Variants in GBE1 observed in about 807,000 individuals in gnomAD.
The protein encoded by GBE1 is 1,4-alpha-glucan-branching enzyme.
Under a neutral mutation model 88.8 loss-of-function variants are expected in GBE1, and 70 were observed. The observed-to-expected ratio is 0.79, with a 90% confidence interval of 0.65 to 0.96. The LOEUF is 0.96. Ranked by LOEUF, GBE1 falls within the 40% of genes least tolerant of loss-of-function variation. The pLI is 0.00. For missense variants in GBE1, 872 were observed against 871.0 expected (o/e 1.00, Z -0.01); for synonymous variants, 284 against 300.1 (o/e 0.95, Z 0.56).
intron 14 of GBE1, among the ~76,000 whole-genome samples, chr3:81,533,839 A>G (rs1703039998): frequency 2.0e-5 from 3 of 152,038 alleles, no homozygotes; most frequent in African/African-American, 4.8e-5. Context: ...AAGGTGGGTG[A>G]CACTTGGAGT....
intron 7 of GBE1, among the ~76,000 whole-genome samples, chr3:81,633,094 T>A (rs556814463): frequency 6.6e-6 from 1 of 152,234 alleles, no homozygotes; most frequent in East Asian, 1.9e-4. Context: ...CGAACAAATA[T>A]CCATAAACAT....
intron 12 of GBE1, among the ~76,000 whole-genome samples, chr3:81,559,924 T>G (rs1422292887): frequency 1.3e-5 from 2 of 152,038 alleles, no homozygotes; most frequent in Non-Finnish European, 2.9e-5. Context: ...TCTACTAGTA[T>G]CTATTTGGCC....
intron 14 of GBE1, among the ~76,000 whole-genome samples, chr3:81,511,865 A>G (rs1361235642): frequency 6.9e-6 from 1 of 145,380 alleles, no homozygotes; most frequent in Non-Finnish European, 1.5e-5. Flanking sequence ...ATTGTCCTAC[A>G]AGAAAAAAAA....
At chr3:81,517,309 C>G (rs1350002263) in intron 14 of GBE1, among the ~76,000 whole-genome samples, 1 of 151,440 alleles carries the variant, frequency 6.6e-6, no homozygotes, top group Non-Finnish European at 1.5e-5. Flanking sequence ...TTTTAGCATA[C>G]AGTATTTTTA....
chr3:81,748,455 CA>C, intron 1 of GBE1, among the ~76,000 whole-genome samples: 1 of 151,554 alleles, frequency 6.6e-6, no homozygotes, highest in Non-Finnish European at 1.5e-5. Context: ...ACTAAAAATA[CA>C]AAAAATTAGC....
At chr3:81,650,010 AAGG>A (rs1439174761) in intron 3 of GBE1, 89 bp from the exon 4 acceptor site, 1 of 993,148 alleles carries the variant, frequency 1.0e-6, no homozygotes, top group Non-Finnish European at 1.5e-6. Context: ...ACAAGTAGGA[AAGG>A]AGGACTGATC....
chr3:81,665,067 A>T (rs1705091896), intron 3 of GBE1, among the ~76,000 whole-genome samples: 1 of 152,234 alleles, frequency 6.6e-6, no homozygotes, highest in South Asian at 2.1e-4. Flanking sequence ...GTTTCATAAT[A>T]GTAATACACA....
chr3:81,660,930 T>A (rs1187564442), intron 3 of GBE1, among the ~76,000 whole-genome samples: 1 of 152,198 alleles, frequency 6.6e-6, no homozygotes, highest in East Asian at 1.9e-4. Context: ...TATTTGAAGG[T>A]ATACTTGGTC....
intron 9 of GBE1, among the ~76,000 whole-genome samples, chr3:81,587,906 C>T (rs1024157206): frequency 2.0e-5 from 3 of 152,166 alleles, no homozygotes; most frequent in Non-Finnish European, 4.4e-5. Context: ...GGAAAGACAT[C>T]TTTCCACCAT....
intron 14 of GBE1, among the ~76,000 whole-genome samples, chr3:81,507,679 T>C (rs1702672636): frequency 1.4e-5 from 2 of 144,166 alleles, no homozygotes; most frequent in Non-Finnish European, 3.1e-5. Context: ...TGTGTGTGTA[T>C]ATATATATGT....
chr3:81,650,707 C>A (rs1704835110), intron 3 of GBE1, among the ~76,000 whole-genome samples: 1 of 152,072 alleles, frequency 6.6e-6, no homozygotes, highest in African/African-American at 2.4e-5. Context: ...ACTCTGTCAC[C>A]CAGGTGGAGC....
In GBE1 at chr3:81,761,587, G is replaced by T. The variant is rs1162139835; in HGVS notation, c.-70C>A. 6.6e-7 allele frequency: 1 copy of T among 1,520,098 alleles called. No homozygotes were observed. Among genetic ancestry groups the T allele is most frequent in the South Asian group, 1.2e-5 (1 of 83,270 alleles). The allele number at this position is 1,520,098 out of a possible 1,614,324, so 94.2% of individuals were successfully genotyped here. On this transcript the variant is annotated 5_prime_UTR_variant, in exon 1 of 16. Coordinates refer to ENST00000429644, the MANE Select transcript of GBE1 (RefSeq NM_000158.4). ...GGCCTGAGCGGGCGCTGGAGCTCTA[G>T]CTGGGACGCGGCGGCTAGGGCGGAG...
At chr3:81,624,836 T>C (rs916616403) in intron 7 of GBE1, among the ~76,000 whole-genome samples, 22 of 152,306 alleles carry the variant, frequency 1.4e-4, no homozygotes, top group Middle Eastern at 3.4e-3. Flanking sequence ...CAAGTCTCCT[T>C]CTGGTTTGTT....
intron 1 of GBE1, among the ~76,000 whole-genome samples, chr3:81,740,396 G>C (rs1290973303): frequency 6.7e-6 from 1 of 149,406 alleles, no homozygotes; most frequent in African/African-American, 2.5e-5. Flanking sequence ...TTTTAAGCTG[G>C]TATCTACCCA....
intron 12 of GBE1, among the ~76,000 whole-genome samples, chr3:81,543,163 T>A (rs1703163174): frequency 6.6e-6 from 1 of 152,104 alleles, no homozygotes; most frequent in Admixed American, 6.6e-5. Flanking sequence ...CGGTAATGAT[T>A]CTATTTTATT....
chr3:81,680,281 G>A (rs932697548), intron 2 of GBE1, among the ~76,000 whole-genome samples: 15 of 151,996 alleles, frequency 9.9e-5, no homozygotes, highest in African/African-American at 3.6e-4. Flanking sequence ...ATCATGAGAT[G>A]AGGAGATCGA....
At chr3:81,685,259 T>A (rs1052102197) in intron 2 of GBE1, among the ~76,000 whole-genome samples, 27 of 152,168 alleles carry the variant, frequency 1.8e-4, no homozygotes, top group African/African-American at 6.0e-4. Context: ...ACCTATGCAC[T>A]GATAAGTGCA....
intron 7 of GBE1, among the ~76,000 whole-genome samples, chr3:81,605,208 T>C (rs532880865): frequency 4.8e-4 from 73 of 152,284 alleles, no homozygotes; most frequent in African/African-American, 1.7e-3. Context: ...TTTGCTCCAG[T>C]TATAAATTTT....
chr3:81,543,687 G>A (rs1311859240), intron 12 of GBE1, among the ~76,000 whole-genome samples: 1 of 152,036 alleles, frequency 6.6e-6, no homozygotes, highest in African/African-American at 2.4e-5. Flanking sequence ...GTGAAATATG[G>A]TGACCCAAAT....
Sources: gnomAD v4.1 joint callset for allele counts (sites outside exome capture counted in the v4.1 genomes callset) on GRCh38, gnomAD v4.1.1 for gene constraint, MANE v1.5 for transcripts, NCBI Gene and HGNC (gene_info 2026-07-23, HGNC 2026-07-21) for gene names.